The following MED13L variants were observed in gnomAD, a reference collection of about 807,000 sequenced individuals.
MED13L encodes the protein mediator of RNA polymerase II transcription subunit 13-like.
MED13L carries 7 observed loss-of-function variants against 220.9 expected under a neutral mutation model. The ratio of observed to expected loss-of-function variants is 0.03; its 90% CI spans 0.02 to 0.06. The LOEUF (loss-of-function observed/expected upper bound fraction) is 0.06. Among genes scored for constraint, MED13L ranks in the 10% least tolerant of loss-of-function variants. The pLI, the probability that MED13L is intolerant of heterozygous loss-of-function variation, is 1.00. For synonymous variants in MED13L, 1,011 were observed against 1,015.2 expected (o/e 1.00, Z 0.08); for missense variants, 1,965 against 2,760.5 (o/e 0.71, Z 6.46).
At chr12:116,194,454 C>A (rs1881491322) in intron 2 of MED13L, among the ~76,000 whole-genome samples, 1 of 152,028 alleles carries the variant, frequency 6.6e-6, no homozygotes, top group African/African-American at 2.4e-5. Context: ...CATGAGCCAC[C>A]ACTCCCAGCC....
At chr12:116,187,681 T>C (rs1316140971) in intron 2 of MED13L, among the ~76,000 whole-genome samples, 1 of 152,162 alleles carries the variant, frequency 6.6e-6, no homozygotes, top group Non-Finnish European at 1.5e-5. Flanking sequence ...AGGGGATGTA[T>C]AGAAGTGAGT....
chr12:116,201,938 G>C (rs1882030930), intron 2 of MED13L, among the ~76,000 whole-genome samples: 1 of 152,164 alleles, frequency 6.6e-6, no homozygotes, highest in African/African-American at 2.4e-5. Flanking sequence ...TGGCATTAAA[G>C]AAATATGCTT....
chr12:116,124,039 T>C (rs1875324898), intron 2 of MED13L, among the ~76,000 whole-genome samples: 3 of 152,166 alleles, frequency 2.0e-5, no homozygotes, highest in Non-Finnish European at 2.9e-5. Context: ...CTGCCAGCCA[T>C]ACTGACATAG....
chr12:116,154,033 T>C (rs536939922), intron 2 of MED13L, among the ~76,000 whole-genome samples: 2 of 152,336 alleles, frequency 1.3e-5, no homozygotes, highest in Non-Finnish European at 1.5e-5. Context: ...CTTGTAGCAA[T>C]AGCAGAAATA....
At chr12:116,054,469 T>C (rs1359834246) in intron 4 of MED13L, among the ~76,000 whole-genome samples, 2 of 152,318 alleles carry the variant, frequency 1.3e-5, no homozygotes, top group African/African-American at 2.4e-5. Context: ...CTTCTTTGAG[T>C]ACCTACTATT....
intron 2 of MED13L, among the ~76,000 whole-genome samples, chr12:116,198,143 A>G (rs1881761645): frequency 6.6e-6 from 1 of 152,106 alleles, no homozygotes; most frequent in Non-Finnish European, 1.5e-5. Context: ...CATATATTAC[A>G]TATTTTAAGT....
intron 4 of MED13L, among the ~76,000 whole-genome samples, chr12:116,077,235 T>C (rs1488366932): frequency 1.3e-5 from 2 of 152,254 alleles, no homozygotes; most frequent in South Asian, 2.1e-4. Context: ...TTACCTCTAA[T>C]GGCTTTAAAT....
intron 2 of MED13L, among the ~76,000 whole-genome samples, chr12:116,163,170 G>T (rs1879009878): frequency 6.6e-6 from 1 of 152,024 alleles, no homozygotes. Flanking sequence ...AAACAAAACT[G>T]CCTAATATAT....
At chr12:116,105,815 T>C (rs942456926) in intron 3 of MED13L, among the ~76,000 whole-genome samples, 1 of 152,220 alleles carries the variant, frequency 6.6e-6, no homozygotes, top group African/African-American at 2.4e-5. Context: ...CCCACTGATA[T>C]CAAGCTTGGC....
Position 116,237,811 on chromosome 12 carries a change from G to A in MED13L, c.73-106C>T, listed in dbSNP as rs569518235. ...ATTGTGCTAAAATAAATATTTACAC[G>A]AAACTTCATATCATAAGATTCCTCC... On this transcript the variant is annotated intron_variant, in intron 1 of 30. Transcript: ENST00000281928. 1.0e-4 allele frequency: 99 copies of A among 981,436 alleles called. 1 individual carries two copies. The African/African-American group carries it at 1.3e-3, about 13-fold the overall frequency. 60.8% of individuals were successfully genotyped at this position (981,436 alleles called of 1,614,324 possible). A position where few individuals can be genotyped will look rare whatever the true frequency, so the allele number is the denominator to read the frequency against.
At chr12:116,177,338 C>T (rs900419228) in intron 2 of MED13L, among the ~76,000 whole-genome samples, 6 of 152,194 alleles carry the variant, frequency 3.9e-5, no homozygotes, top group African/African-American at 1.4e-4. Context: ...TGTAAAGAAG[C>T]AATCCTCAAG....
intron 1 of MED13L, among the ~76,000 whole-genome samples, chr12:116,267,293 T>C (rs1049134353): frequency 2.0e-5 from 3 of 152,156 alleles, no homozygotes; most frequent in African/African-American, 7.2e-5. Flanking sequence ...GAATTTCAAG[T>C]TTTTCTTCTC....
intron 2 of MED13L, among the ~76,000 whole-genome samples, chr12:116,198,219 T>C (rs1881766688): frequency 6.6e-6 from 1 of 152,136 alleles, no homozygotes; most frequent in African/African-American, 2.4e-5. Flanking sequence ...CCTGCTTAGG[T>C]CTCAACTGTA....
chr12:116,080,461 C>T lies in MED13L; in HGVS notation c.479+16208G>A, dbSNP rs78990131. 6.1e-4 allele frequency among the ~76,000 whole-genome samples: 93 copies of T among 152,246 alleles called. No homozygotes were observed. In the East Asian group the frequency reaches 0.016, roughly 27 times the overall value. On this transcript the variant is annotated intron_variant, in intron 4 of 30. Transcript: ENST00000281928. ...AGGCACATCTGAGGATCATGTAGCC[C>T]TCAGGTTCCCAAACCATGTACCAAA...
At chr12:115,992,040 C>T in intron 16 of MED13L, 83 bp from the exon 17 acceptor site, 1 of 1,162,846 alleles carries the variant, frequency 8.6e-7, no homozygotes, top group Non-Finnish European at 1.2e-6. Context: ...CAGCCATGTA[C>T]TGTGTATTTC....
intron 2 of MED13L, among the ~76,000 whole-genome samples, chr12:116,132,487 C>A (rs1023131440): frequency 6.6e-6 from 1 of 152,010 alleles, no homozygotes; most frequent in African/African-American, 2.4e-5. Context: ...AAAACATTAG[C>A]ATTTGGAGTA....
At chr12:116,076,664 C>T (rs1460558590) in intron 4 of MED13L, among the ~76,000 whole-genome samples, 1 of 152,150 alleles carries the variant, frequency 6.6e-6, no homozygotes, top group East Asian at 1.9e-4. Context: ...TATGAATCAC[C>T]ATAATATTGT....
At chr12:116,274,230 AG>A (rs1408810509) in intron 1 of MED13L, among the ~76,000 whole-genome samples, 6 of 152,190 alleles carry the variant, frequency 3.9e-5, no homozygotes, top group African/African-American at 1.4e-4. Context: ...AATAAGTAAA[AG>A]ACTAGCAGAA....
At chr12:116,145,469 A>G (rs151146378) in intron 2 of MED13L, among the ~76,000 whole-genome samples, 330 of 152,198 alleles carry the variant, frequency 2.2e-3, no homozygotes, top group African/African-American at 7.7e-3. Flanking sequence ...AATGGCATAC[A>G]GTTCCTCAGC....
Sources: gnomAD v4.1 joint callset for allele counts (sites outside exome capture counted in the v4.1 genomes callset) on GRCh38, gnomAD v4.1.1 for gene constraint, MANE v1.5 for transcripts, NCBI Gene and HGNC (gene_info 2026-07-23, HGNC 2026-07-21) for gene names.